Variants in GDAP2 observed in about 807,000 individuals in gnomAD.
GDAP2 encodes ganglioside induced differentiation associated protein 2, also known as ganglioside-induced differentiation-associated protein 2.
GDAP2 carries 51 observed loss-of-function variants against 67.0 expected under a neutral mutation model. That is an observed-to-expected ratio of 0.76 (90% CI 0.61 to 0.96). GDAP2 has a LOEUF of 0.96. Ranked by LOEUF, GDAP2 falls within the 40% of genes least tolerant of loss-of-function variation. The pLI is 0.00. For synonymous variants in GDAP2, 203 were observed against 207.3 expected, an observed-to-expected ratio of 0.98 and a Z score of 0.18; for missense variants, 547 against 588.3, an observed-to-expected ratio of 0.93 and a Z score of 0.73.
At chr1:117,912,911 A>G (rs962462713) in intron 3 of GDAP2, among the ~76,000 whole-genome samples, 2 of 152,220 alleles carry the variant, frequency 1.3e-5, no homozygotes, top group Non-Finnish European at 2.9e-5. Flanking sequence ...AAGACCATGA[A>G]GCAGATAAGC....
intron 8 of GDAP2, among the ~76,000 whole-genome samples, chr1:117,889,784 T>C (rs1649003435): frequency 6.6e-6 from 1 of 152,168 alleles, no homozygotes; most frequent in Admixed American, 6.6e-5. Context: ...ACTAATTGTT[T>C]ATAATGAGAC....
intron 8 of GDAP2, among the ~76,000 whole-genome samples, chr1:117,891,251 T>C (rs1649073117): frequency 6.6e-6 from 1 of 151,352 alleles, no homozygotes; most frequent in Non-Finnish European, 1.5e-5. Context: ...TCAACTTGTT[T>C]TGCGTGTCTC....
At chr1:117,901,444 T>C (rs555210610) in intron 6 of GDAP2, among the ~76,000 whole-genome samples, 64 of 152,354 alleles carry the variant, frequency 4.2e-4, no homozygotes, top group African/African-American at 1.4e-3. Flanking sequence ...ACTGCCAGAC[T>C]GTTTTCCAAA....
At chr1:117,876,434 T>C (rs942368495) in intron 13 of GDAP2, among the ~76,000 whole-genome samples, 1 of 152,166 alleles carries the variant, frequency 6.6e-6, no homozygotes. Flanking sequence ...AATAAATCTA[T>C]TCTTTATACT....
At position 117,912,204 on chromosome 1, in the gene GDAP2, T is replaced by C. The variant is rs1457292531; in HGVS notation, c.471-122A>G. On this transcript the variant is annotated intron_variant, in intron 4 of 13. Coordinates refer to ENST00000369443, the MANE Select transcript of GDAP2 (RefSeq NM_017686.4). ...TTTCCTCCCTCTTCAACAAATCTAC[T>C]ATAATAGCTAACCCAACTGTACCAC... is the stretch of plus-strand genomic sequence containing the variant. 28 of 675,404 alleles carry C rather than the reference T, an allele frequency of 4.1e-5. No homozygotes were observed. The South Asian group carries it at 4.9e-4, about 12-fold the overall frequency. 41.8% of individuals were successfully genotyped at this position (675,404 alleles called of 1,614,324 possible).
At chr1:117,875,706 T>C (rs768076979) in intron 13 of GDAP2, among the ~76,000 whole-genome samples, 2 of 152,350 alleles carry the variant, frequency 1.3e-5, no homozygotes, top group East Asian at 1.9e-4. Context: ...GTGCCCAGTA[T>C]GCAGAACATA....
At chr1:117,881,338 T>C (rs546359114) in intron 12 of GDAP2, among the ~76,000 whole-genome samples, 24 of 152,316 alleles carry the variant, frequency 1.6e-4, no homozygotes, top group African/African-American at 2.4e-5. Context: ...CTAGCCCTCA[T>C]GGATCTTGCT....
intron 13 of GDAP2, among the ~76,000 whole-genome samples, chr1:117,876,083 T>G (rs928899280): frequency 1.3e-5 from 2 of 152,104 alleles, no homozygotes; most frequent in Admixed American, 1.3e-4. Flanking sequence ...TTTTGGATAT[T>G]TGACCCTCTA....
At chr1:117,926,862 G>A (rs767929697) in intron 1 of GDAP2, among the ~76,000 whole-genome samples, 1 of 152,096 alleles carries the variant, frequency 6.6e-6, no homozygotes, top group African/African-American at 2.4e-5. Context: ...AAGGGAGGAG[G>A]AGAAGGCTCC....
At chr1:117,888,412 A>C (rs1648944574) in intron 8 of GDAP2, among the ~76,000 whole-genome samples, 1 of 152,140 alleles carries the variant, frequency 6.6e-6, no homozygotes, top group Admixed American at 6.6e-5. Context: ...GGCTTTGGCT[A>C]AGAGGATGTT....
intron 10 of GDAP2, among the ~76,000 whole-genome samples, chr1:117,883,989 T>C (rs1200484354): frequency 2.0e-5 from 3 of 152,164 alleles, no homozygotes; most frequent in African/African-American, 7.2e-5. Context: ...ATCGAAATCA[T>C]TAGAAGTAGA....
At position 117,863,653 on chromosome 1, in the gene GDAP2, T is replaced by A. The variant is rs970993059; in HGVS notation, c.*6916A>T. 1 of 149,778 alleles carries A rather than the reference T, an allele frequency of 6.7e-6. No individual in the cohort carries two copies. Among genetic ancestry groups the A allele is most frequent in the Non-Finnish European group, 1.5e-5 (1 of 68,020 alleles). 9.3% of individuals were successfully genotyped at this position (149,778 alleles called of 1,614,324 possible). Reference sequence around the variant, plus strand: ...TTGACAATAAATATTTTTGAGAAAATATAAGAAAATAAACTTTCTAAATAA... The same window carrying A: ...TTGACAATAAATATTTTTGAGAAAAAATAAGAAAATAAACTTTCTAAATAA... On this transcript the variant is annotated 3_prime_UTR_variant, in exon 14 of 14. Coordinates refer to ENST00000369443, the MANE Select transcript of GDAP2 (RefSeq NM_017686.4).
intron 13 of GDAP2, among the ~76,000 whole-genome samples, chr1:117,872,344 AT>A (rs1287769275): frequency 6.6e-6 from 1 of 152,222 alleles, no homozygotes; most frequent in Non-Finnish European, 1.5e-5. Flanking sequence ...TACTGGGTAT[AT>A]ACTCAAAGGA....
Position 117,883,540 on chromosome 1 carries a change from T to C in GDAP2, c.1195A>G (p.Asn399Asp), listed in dbSNP as rs1648740085. The C allele has an allele frequency of 6.2e-7, 1 of 1,610,778 alleles. No individual in the cohort carries two copies. The highest frequency in any genetic ancestry group is 1.3e-5 in the African/African-American group (1 of 74,806). Residue 399 changes from asparagine (N) to aspartate (D), a missense_variant, in exon 11 of 14, where the codon AAT becomes GAT. By Grantham distance (23) the Asn-to-Asp change is conservative. Transcript: ENST00000369443. ...TTCAGGAAGTCGGAGTCCAGGTGATTGTATTCGCTGGTCAGGGTGTGAAAA... is the reference window on the plus strand; with the variant it reads ...TTCAGGAAGTCGGAGTCCAGGTGATCGTATTCGCTGGTCAGGGTGTGAAAA... ...VYFHTLTSEY[N>D]HLDSDFLKKL...
chr1:117,911,974 G>A lies in GDAP2; in HGVS notation c.559+20C>T, dbSNP rs748548442. Reference sequence around the variant, plus strand: ...ATTTTTAAGATTCAATTCATGTACAGCATCTCTGATATTACTTACGAAGTG... The same window carrying A: ...ATTTTTAAGATTCAATTCATGTACAACATCTCTGATATTACTTACGAAGTG... On this transcript the variant is annotated intron_variant, in intron 5 of 13. Transcript: ENST00000369443. 1.5e-6 allele frequency: 2 copies of A among 1,347,700 alleles called. No individual in the cohort carries two copies. The highest frequency in any genetic ancestry group is 1.7e-5 in the Admixed American group (1 of 59,260). The allele number at this position is 1,347,700 out of a possible 1,614,324, so 83.5% of individuals were successfully genotyped here. A position where few individuals can be genotyped will look rare whatever the true frequency, so the allele number is the denominator to read the frequency against.
intron 7 of GDAP2, among the ~76,000 whole-genome samples, chr1:117,897,472 T>G (rs925833150): frequency 3.9e-5 from 6 of 152,222 alleles, no homozygotes; most frequent in African/African-American, 1.4e-4. Flanking sequence ...TGATCCACAT[T>G]CCTTAAGAAA....
rs543012921 is a variant in GDAP2 at position 117,876,620 on chromosome 1, T to C, written c.1446+1389A>G. 2.4e-3 allele frequency among the ~76,000 whole-genome samples: 359 copies of C among 152,324 alleles called. 2 individuals are homozygous for C. The highest frequency in any genetic ancestry group is 8.3e-3 in the African/African-American group (344 of 41,578). Reference sequence around the variant, plus strand: ...TTAGATTATAAGTTAGTCTACTTAATTTTGATTAATTACATTATGCTTGTA... The same window carrying C: ...TTAGATTATAAGTTAGTCTACTTAACTTTGATTAATTACATTATGCTTGTA... On this transcript the variant is annotated intron_variant, in intron 13 of 13. Coordinates refer to ENST00000369443, the MANE Select transcript of GDAP2 (RefSeq NM_017686.4).
In GDAP2 at chr1:117,868,260, A is replaced by G. The variant is rs1451443848; in HGVS notation, c.*2309T>C. The G allele has an allele frequency of 6.6e-6, 1 of 152,220 alleles. No homozygotes were observed. Among genetic ancestry groups the G allele is most frequent in the Admixed American group, 6.5e-5 (1 of 15,280 alleles). The allele number at this position is 152,220 out of a possible 1,614,324, so 9.4% of individuals were successfully genotyped here. A position where few individuals can be genotyped will look rare whatever the true frequency, so the allele number is the denominator to read the frequency against. ...TTCTATAACACTTTAGACATCTATAAAAGCATGAACTTGGTCCCACATCAA... is the reference window on the plus strand; with the variant it reads ...TTCTATAACACTTTAGACATCTATAGAAGCATGAACTTGGTCCCACATCAA... On this transcript the variant is annotated 3_prime_UTR_variant, in exon 14 of 14. Transcript: ENST00000369443.
At position 117,887,764 on chromosome 1, in the gene GDAP2, A is replaced by G; in HGVS notation, c.964T>C (p.Trp322Arg). 1.3e-6 allele frequency: 2 copies of G among 1,553,680 alleles called. No individual in the cohort carries two copies. The highest frequency in any genetic ancestry group is 1.1e-5 in the South Asian group (1 of 89,650). The change falls in exon 9 of 14, where the codon TGG becomes CGG. Residue 322 changes from tryptophan (W) to arginine (R), a missense_variant. Trp to Arg is a moderately radical substitution (Grantham distance 101). Transcript: ENST00000369443. Reference protein sequence around the residue: ...QKQHQRNYNRWLCQARSEDLS... With the variant: ...QKQHQRNYNRRLCQARSEDLS... ...TCCTCAGATCTTGCTTGACATAACC[A>G]GCGATTATAACTAGGGAAATAAATG...
Sources: allele counts gnomAD v4.1 joint callset (sites outside exome capture counted in the v4.1 genomes callset), GRCh38; gene constraint gnomAD v4.1.1; transcripts MANE v1.5; gene names NCBI Gene and HGNC (gene_info 2026-07-23, HGNC 2026-07-21).